The following NLK variants were observed in gnomAD, a reference collection of about 807,000 sequenced individuals.
NLK encodes the protein nemo like kinase.
A neutral mutation model predicts 59.0 loss-of-function variants in NLK; 11 were observed. That is an observed-to-expected ratio of 0.19 (90% confidence interval 0.12 to 0.31). NLK has a LOEUF of 0.31. Among genes scored for constraint, NLK ranks in the 10% least tolerant of loss-of-function variants. NLK has a pLI of 1.00. For synonymous variants in NLK, 235 were observed against 235.9 expected (o/e 1.00, Z 0.03); for missense variants, 410 against 661.1 (o/e 0.62, Z 4.16).
At chr17:28,071,713 A>G (rs908636927) in intron 1 of NLK, among the ~76,000 whole-genome samples, 6 of 152,240 alleles carry the variant, frequency 3.9e-5, no homozygotes, top group Non-Finnish European at 5.9e-5. Flanking sequence ...GATCCCTCTC[A>G]GCAATCCTGC....
chr17:28,087,780 G>A (rs1388895077), intron 1 of NLK, among the ~76,000 whole-genome samples: 2 of 152,208 alleles, frequency 1.3e-5, no homozygotes, highest in East Asian at 3.8e-4. Context: ...ATGTTAGGTA[G>A]ATGGTTAGCT....
chr17:28,195,792 C>T lies in NLK; in HGVS notation c.*1156C>T, dbSNP rs1909466713. ...ATACAACTTGGCTTGTTTACCTCCA[C>T]ATGCTGATGATGACTATTTTTTTTT... On this transcript the variant is annotated 3_prime_UTR_variant, in exon 11 of 11. Coordinates refer to ENST00000407008, the MANE Select transcript of NLK (RefSeq NM_016231.5). 6.6e-6 allele frequency: 1 copy of T among 152,376 alleles called. No individual in the cohort carries two copies. Among genetic ancestry groups the T allele is most frequent in the South Asian group, 2.1e-4 (1 of 4,828 alleles). The allele number at this position is 152,376 out of a possible 1,614,324, so 9.4% of individuals were successfully genotyped here. A position where few individuals can be genotyped will look rare whatever the true frequency, so the allele number is the denominator to read the frequency against.
intron 1 of NLK, among the ~76,000 whole-genome samples, chr17:28,107,061 C>G (rs138804459): frequency 1.3e-5 from 2 of 152,234 alleles, no homozygotes; most frequent in African/African-American, 4.8e-5. Flanking sequence ...TTTGAATACA[C>G]TAGTTGCAAT....
chr17:28,139,893 A>G (rs574341793), intron 3 of NLK, among the ~76,000 whole-genome samples: 1 of 152,314 alleles, frequency 6.6e-6, no homozygotes, highest in African/African-American at 2.4e-5. Flanking sequence ...CTGTAAAGGG[A>G]TAACTAACAT....
chr17:28,161,270 A>C lies in NLK; in HGVS notation c.751+4A>C, dbSNP rs1327088287. On this transcript the variant is annotated splice_donor_region_variant and intron_variant, in intron 4 of 10. Coordinates refer to ENST00000407008, the MANE Select transcript of NLK (RefSeq NM_016231.5). ...TTTCTTTATCAGATTTTGCGAGGTA[A>C]GATTTCTTTATGAAGAAAAAGGTGC... 6.5e-7 allele frequency: 1 copy of C among 1,547,610 alleles called. No homozygotes were observed. Among genetic ancestry groups the C allele is most frequent in the African/African-American group, 1.4e-5 (1 of 73,722 alleles).
intron 1 of NLK, among the ~76,000 whole-genome samples, chr17:28,063,076 C>T (rs35820604): frequency 2.2e-3 from 333 of 151,966 alleles, no homozygotes; most frequent in Non-Finnish European, 1.8e-3. Flanking sequence ...GGACTATAGG[C>T]GTACACCACC....
intron 1 of NLK, among the ~76,000 whole-genome samples, chr17:28,047,565 CAAAT>C (rs1484661556): frequency 2.6e-5 from 4 of 152,210 alleles, no homozygotes; most frequent in Admixed American, 2.0e-4. Context: ...CAGAATGTAA[CAAAT>C]GAAAGACATC....
At chr17:28,053,505 C>T (rs1375678056) in intron 1 of NLK, among the ~76,000 whole-genome samples, 2 of 152,042 alleles carry the variant, frequency 1.3e-5, no homozygotes, top group African/African-American at 4.8e-5. Context: ...TTATCCTCTC[C>T]GTATTGTGGT....
intron 1 of NLK, among the ~76,000 whole-genome samples, chr17:28,064,906 C>T (rs1909777392): frequency 6.6e-6 from 1 of 152,174 alleles, no homozygotes; most frequent in African/African-American, 2.4e-5. Context: ...GCTACAGTGG[C>T]TTGCCTGTAG....
In NLK at chr17:28,129,448, C is replaced by T. The variant is rs370227667; in HGVS notation, c.589-3172C>T. Among the ~76,000 whole-genome samples, 55 of 151,414 alleles carry T rather than the reference C, an allele frequency of 3.6e-4. 1 individual carries two copies. The highest frequency in any genetic ancestry group is 1.5e-3 in the Admixed American group (23 of 15,212). On this transcript the variant is annotated intron_variant, in intron 2 of 10. Coordinates refer to ENST00000407008, the MANE Select transcript of NLK (RefSeq NM_016231.5). ...AGCCTGGGAGACAGAGCAAGGCTCCCGTCTCAAAAAAAAGCAAAGGGGCTA... is the reference window on the plus strand; with the variant it reads ...AGCCTGGGAGACAGAGCAAGGCTCCTGTCTCAAAAAAAAGCAAAGGGGCTA...
chr17:28,051,586 T>A (rs1188777779), intron 1 of NLK, among the ~76,000 whole-genome samples: 5 of 151,958 alleles, frequency 3.3e-5, no homozygotes, highest in African/African-American at 1.2e-4. Flanking sequence ...CTCGATCTCT[T>A]GACCTCGTGA....
At chr17:28,048,279 A>C in intron 1 of NLK, 1 of 266,620 alleles carries the variant, frequency 3.8e-6, no homozygotes, top group East Asian at 6.6e-5. Flanking sequence ...TAGACTCCTG[A>C]AAAGATTATC....
intron 1 of NLK, among the ~76,000 whole-genome samples, chr17:28,121,815 A>G (rs1906075006): frequency 6.6e-6 from 1 of 152,036 alleles, no homozygotes; most frequent in South Asian, 2.1e-4. Context: ...TCTTTTACCT[A>G]TTTAGTTAAT....
chr17:28,205,273 G>A, the NLK span, among the ~76,000 whole-genome samples: 1 of 152,180 alleles, frequency 6.6e-6, no homozygotes, highest in Admixed American at 6.5e-5. Flanking sequence ...GAGAAACCTT[G>A]ATTTATTATT....
intron 1 of NLK, among the ~76,000 whole-genome samples, chr17:28,073,986 T>C (rs1293382548): frequency 3.3e-5 from 5 of 152,248 alleles, no homozygotes; most frequent in Non-Finnish European, 2.9e-5. Flanking sequence ...TTTAAGCTTC[T>C]AGCTAGGACT....
At position 28,112,527 on chromosome 17, in the gene NLK, C is replaced by T. The variant is rs78293791; in HGVS notation, c.459-10076C>T. ...CTTAAATTTGTCATTTGACTTTGGC[C>T]ATTTTTCTGGAGTCCCAAAATGGCT... On this transcript the variant is annotated intron_variant, in intron 1 of 10. Transcript: ENST00000407008. Among the ~76,000 whole-genome samples, 356 of 152,232 alleles carry T rather than the reference C, an allele frequency of 2.3e-3. 5 individuals carry two copies. Among genetic ancestry groups the T allele is most frequent in the African/African-American group, 7.9e-3 (329 of 41,534 alleles).
At chr17:28,131,133 A>G (rs1452020389) in intron 2 of NLK, among the ~76,000 whole-genome samples, 1 of 152,126 alleles carries the variant, frequency 6.6e-6, no homozygotes, top group African/African-American at 2.4e-5. Context: ...CTTAAAATTT[A>G]TAGTGAGAAA....
intron 1 of NLK, among the ~76,000 whole-genome samples, chr17:28,064,389 T>C (rs1334877777): frequency 2.0e-5 from 3 of 152,008 alleles, no homozygotes; most frequent in African/African-American, 2.4e-5. Flanking sequence ...CCTCAAGTGA[T>C]CCTCCTGCCT....
chr17:28,198,392 C>T (rs765019942), downstream of NLK, among the ~76,000 whole-genome samples: 2 of 152,134 alleles, frequency 1.3e-5, no homozygotes, highest in Non-Finnish European at 1.5e-5. Flanking sequence ...GGCGCAATCT[C>T]GGCTCACCAC....
Sources: gnomAD v4.1 joint callset for allele counts (sites outside exome capture counted in the v4.1 genomes callset) on GRCh38, gnomAD v4.1.1 for gene constraint, MANE v1.5 for transcripts, NCBI Gene and HGNC (gene_info 2026-07-23, HGNC 2026-07-21) for gene names.